Variants in WASHC2A observed in about 807,000 individuals in gnomAD.
WASHC2A encodes the protein WASH complex subunit FAM21A.
Under a neutral mutation model 140.3 loss-of-function variants are expected in WASHC2A, and 82 were observed. That is an observed-to-expected ratio of 0.58 (90% CI 0.49 to 0.70). The LOEUF is 0.70. Ranked by LOEUF, WASHC2A falls within the 30% of genes least tolerant of loss-of-function variation. The probability of loss-of-function intolerance (pLI) is 0.00; values close to 1 mark genes in which losing one functional copy is unlikely to be tolerated. For synonymous variants in WASHC2A, 340 were observed against 560.8 expected, an observed-to-expected ratio of 0.61 and a Z score of 5.56; for missense variants, 985 against 1,521.8, an observed-to-expected ratio of 0.65 and a Z score of 5.87.
intron 13 of WASHC2A, among the ~76,000 whole-genome samples, chr10:50,094,483 T>A (rs1242901266): frequency 0.29 from 43,655 of 150,796 alleles, 7,071 homozygotes; most frequent in Middle Eastern, 0.43. Context: ...GTGCAGTTTT[T>A]AAAAAACACA....
chr10:50,107,601 G>A (rs1243794336), intron 19 of WASHC2A, among the ~76,000 whole-genome samples: 4 of 138,512 alleles, frequency 2.9e-5, no homozygotes, highest in Non-Finnish European at 4.6e-5. Context: ...TAAAAATTCC[G>A]AAGCAGATTG....
At chr10:50,090,160 A>ATT (rs1206518106) in intron 8 of WASHC2A, among the ~76,000 whole-genome samples, 7 of 151,928 alleles carry the variant, frequency 4.6e-5, no homozygotes, top group Admixed American at 1.3e-4. Context: ...CATTTTTGAT[A>ATT]TTTTAATATT....
intron 3 of WASHC2A, among the ~76,000 whole-genome samples, chr10:50,072,157 C>G (rs367807267): frequency 6.9e-6 from 1 of 145,220 alleles, no homozygotes; most frequent in Non-Finnish European, 1.5e-5. Flanking sequence ...AGCGATCTGC[C>G]CATTGCAACC....
intron 22 of WASHC2A, 30 bp downstream of exon 22, chr10:50,118,088 G>A: frequency 1.2e-6 from 2 of 1,604,082 alleles, no homozygotes; most frequent in African/African-American, 1.3e-5. Flanking sequence ...ATACTTGAAT[G>A]CATTTGTCTC....
chr10:50,131,185 G>C, intron 30 of WASHC2A, 107 bp downstream of exon 30: 1 of 1,393,572 alleles, frequency 7.2e-7, no homozygotes, highest in East Asian at 2.3e-5. Flanking sequence ...GCACCCCAGC[G>C]GGTTCACTTC....
intron 3 of WASHC2A, among the ~76,000 whole-genome samples, chr10:50,072,734 C>G (rs1220212089): frequency 1.3e-5 from 2 of 152,148 alleles, no homozygotes; most frequent in South Asian, 4.2e-4. Flanking sequence ...ATGATCCACC[C>G]GCCTTGGCCT....
At chr10:50,087,705 C>G (rs1839505924) in intron 8 of WASHC2A, among the ~76,000 whole-genome samples, 1 of 152,116 alleles carries the variant, frequency 6.6e-6, no homozygotes, top group Non-Finnish European at 1.5e-5. Context: ...ACCCTACTGT[C>G]TTAGCACGGT....
At chr10:50,094,843 T>C (rs1397427546) in intron 13 of WASHC2A, among the ~76,000 whole-genome samples, 1 of 150,790 alleles carries the variant, frequency 6.6e-6, no homozygotes, top group Non-Finnish European at 1.5e-5. Context: ...GGTCATGCTG[T>C]CCCTGCCTCT....
intron 17 of WASHC2A, among the ~76,000 whole-genome samples, chr10:50,102,658 A>G (rs1841320834): frequency 7.7e-6 from 1 of 129,662 alleles, no homozygotes; most frequent in Non-Finnish European, 1.6e-5. Flanking sequence ...CAGCGACCCC[A>G]TAATTAAAAA....
In WASHC2A at chr10:50,069,627, T is replaced by A. The variant is rs2805116; in HGVS notation, c.207T>A (p.Ile69=). Residue 69 remains isoleucine (I), a synonymous_variant, in exon 3 of 31, where the codon ATT becomes ATA. Coordinates refer to ENST00000282633, the MANE Select transcript of WASHC2A (RefSeq NM_001005751.3). ...TCAAGAAACAAGTGGACGGACTAAT[T>A]CGGGAAACCAAAGCCACAGATTGTC... The part of the protein sequence containing the change: ...HEIKKQVDGL[I]RETKATDCRL... 1 of 1,613,970 alleles carries A rather than the reference T, an allele frequency of 6.2e-7. No individual in the cohort carries two copies. The highest frequency in any genetic ancestry group is 8.5e-7 in the Non-Finnish European group (1 of 1,179,860).
In WASHC2A at chr10:50,129,717, T is replaced by G. The variant is rs1843766969; in HGVS notation, c.3386T>G (p.Leu1129Arg). The change falls in exon 29 of 31, where the codon CTT becomes CGT. Residue 1129 changes from leucine to arginine, a missense_variant. Transcript: ENST00000282633. The part of the protein sequence containing the change: ...SLGHSRGEAD[L>R]FDSGDIFSTG... ...GGTCATTCCAGAGGGGAGGCTGACC[T>G]TTTTGATTCTGGGGACATCTTTTCC... is the stretch of plus-strand genomic sequence containing the variant. 1 of 1,611,968 alleles carries G rather than the reference T, an allele frequency of 6.2e-7. No homozygotes were observed. Among genetic ancestry groups the G allele is most frequent in the African/African-American group, 1.3e-5 (1 of 74,882 alleles).
At chr10:50,079,979 GTT>G (rs1201033904) in intron 4 of WASHC2A, among the ~76,000 whole-genome samples, 2 of 146,872 alleles carry the variant, frequency 1.4e-5, no homozygotes, top group African/African-American at 5.1e-5. Context: ...TGCTCGTAGG[GTT>G]TTTTTTTTGC....
At chr10:50,130,079 A>T in intron 29 of WASHC2A, 40 bp downstream of exon 29, 3 of 1,611,026 alleles carry the variant, frequency 1.9e-6, no homozygotes, top group Non-Finnish European at 2.5e-6. Context: ...GTTCTAAGTT[A>T]AGGAAGGTAT....
At chr10:50,088,958 CTTTTTTTTTT>C (rs1210204220) in intron 8 of WASHC2A, among the ~76,000 whole-genome samples, 4 of 41,374 alleles carry the variant, frequency 9.7e-5, no homozygotes, top group African/African-American at 4.0e-4. Context: ...TTTTTCTTTC[CTTTTTTTTTT>C]TTTTTTTTTT....
chr10:50,095,619 G>T lies in WASHC2A; in HGVS notation c.1261G>T (p.Ala421Ser). The T allele has an allele frequency of 1.2e-6, 2 of 1,611,902 alleles. No homozygotes were observed. The highest frequency in any genetic ancestry group is 1.7e-6 in the Non-Finnish European group (2 of 1,179,846). Reference protein sequence around the residue: ...VFLGDTDVFGAASVPSMKEPQ... With the variant: ...VFLGDTDVFGSASVPSMKEPQ... The stretch of plus-strand genomic sequence containing the variant: ...CACAGGAGACACGGATGTGTTTGGT[G>T]CTGCCTCCGTTCCATCAATGAAGGA... Residue 421 changes from alanine (A) to serine (S), a missense_variant, in exon 15 of 31, where the codon GCT becomes TCT. Physicochemically the swap from Ala to Ser is moderately conservative, Grantham distance 99 (BLOSUM62 1). Transcript: ENST00000282633.
At chr10:50,131,325 C>T in intron 30 of WASHC2A, 1 of 706,566 alleles carries the variant, frequency 1.4e-6, no homozygotes, top group South Asian at 1.5e-5. Context: ...TATAATTTAA[C>T]TTTGATCTCA....
chr10:50,106,545 C>T, intron 19 of WASHC2A, 80 bp downstream of exon 19: 1 of 1,586,848 alleles, frequency 6.3e-7, no homozygotes, highest in Non-Finnish European at 8.6e-7. Context: ...TCTTTTTCTA[C>T]CTGTTTTATA....
Position 50,091,527 on chromosome 10 carries a change from C to A in WASHC2A, c.931+9C>A, listed in dbSNP as rs1839924748. 1.3e-6 allele frequency: 2 copies of A among 1,549,586 alleles called. No individual in the cohort carries two copies. Among genetic ancestry groups the A allele is most frequent in the Admixed American group, 3.9e-5 (2 of 50,980 alleles). On this transcript the variant is annotated intron_variant, in intron 10 of 30. Coordinates refer to ENST00000282633, the MANE Select transcript of WASHC2A (RefSeq NM_001005751.3). ...GGACGAGGAGCCGACAAGTGAGCCCCAGCCGCGTTGATGGGGAGTAGGGGG... is the reference window on the plus strand; with the variant it reads ...GGACGAGGAGCCGACAAGTGAGCCCAAGCCGCGTTGATGGGGAGTAGGGGG...
chr10:50,110,156 A>T lies in WASHC2A; in HGVS notation c.1925A>T (p.Lys642Ile). The change falls in exon 20 of 31, where the codon AAA becomes ATA. Residue 642 changes from lysine to isoleucine, a missense_variant. Coordinates refer to ENST00000282633, the MANE Select transcript of WASHC2A (RefSeq NM_001005751.3). Reference protein sequence around the residue: ...QTHLASDSRSKGEPRDSGTLQ... With the variant: ...QTHLASDSRSIGEPRDSGTLQ... ...CACTTAGCATCTGACAGCAGGTCTA[A>T]AGGAGAACCCAGGGATTCTGGGACC... 6.2e-7 allele frequency: 1 copy of T among 1,611,482 alleles called. No homozygotes were observed.
Sources: allele counts gnomAD v4.1 joint callset (sites outside exome capture counted in the v4.1 genomes callset), GRCh38; gene constraint gnomAD v4.1.1; transcripts MANE v1.5; gene names NCBI Gene and HGNC (gene_info 2026-07-23, HGNC 2026-07-21).